Variants in SCARF1 observed in about 807,000 individuals in gnomAD.
SCARF1 encodes acetyl LDL receptor.
SCARF1 carries 49 observed loss-of-function variants against 76.3 expected under a neutral mutation model. The ratio of observed to expected loss-of-function variants is 0.64; its 90% CI spans 0.51 to 0.81. The LOEUF (loss-of-function observed/expected upper bound fraction) is 0.81, where lower values mean the gene tolerates loss of function less well. Among genes scored for constraint, SCARF1 ranks in the 40% least tolerant of loss-of-function variants. The pLI is 0.00. For synonymous variants in SCARF1, 495 were observed against 474.6 expected, an observed-to-expected ratio of 1.04 and a Z score of -0.56; for missense variants, 1,098 against 1,143.9, an observed-to-expected ratio of 0.96 and a Z score of 0.58.
rs377147891 is a variant in SCARF1 at position 1,640,048 on chromosome 17, G to A, written c.1011-8C>T. 40 of 1,612,916 alleles carry A rather than the reference G, an allele frequency of 2.5e-5. No homozygotes were observed. The African/African-American group carries it at 4.7e-4, about 19-fold the overall frequency. On this transcript the variant is annotated splice_region_variant and splice_polypyrimidine_tract_variant and intron_variant, in intron 5 of 10. Transcript: ENST00000263071. This position sits in a 1 kb window ranked among gnomAD's most constrained non-coding sequence, Gnocchi z 4.7. ...GGGCAGGGGTCTTCACACCTGGGGTGAGGCAAGACTCGGGGAAGGGGAGAC... is the reference window on the plus strand; with the variant it reads ...GGGCAGGGGTCTTCACACCTGGGGTAAGGCAAGACTCGGGGAAGGGGAGAC...
At chr17:1,643,415 C>T (rs932705440) in intron 4 of SCARF1, 27 bp downstream of exon 4, 1 of 1,187,898 alleles carries the variant, frequency 8.4e-7, no homozygotes, top group East Asian at 3.5e-5. Flanking sequence ...CCCCGCCAGC[C>T]CACCTGTCCC....
rs749178878 is a variant in SCARF1, at chr17:1,635,069, T to C, written c.2182A>G (p.Ile728Val). 3 of 1,613,872 alleles carry C rather than the reference T, an allele frequency of 1.9e-6. No individual in the cohort carries two copies. The highest frequency in any genetic ancestry group is 1.7e-5 in the Admixed American group (1 of 60,014). The change falls in exon 11 of 11, where the codon ATC (isoleucine) becomes GTC (valine). Residue 728 changes from isoleucine (I) to valine (V), a missense_variant. Coordinates refer to ENST00000263071, the MANE Select transcript of SCARF1 (RefSeq NM_003693.4). ...GQAEAKVKRA[I>V]PKPPRQALNR... Reference sequence around the variant, plus strand: ...AGGGCCTGGCGCGGAGGCTTAGGGATGGCCCTCTTGACCTTGGCTTCCGCC... The same window carrying C: ...AGGGCCTGGCGCGGAGGCTTAGGGACGGCCCTCTTGACCTTGGCTTCCGCC...
chr17:1,635,375 C>A lies in SCARF1; in HGVS notation c.1876G>T (p.Gly626Cys). Residue 626 changes from glycine (G) to cysteine (C), a missense_variant, in exon 11 of 11, where the codon GGT (glycine) becomes TGT (cysteine). Physicochemically the swap from Gly to Cys is radical, Grantham distance 159. Coordinates refer to ENST00000263071, the MANE Select transcript of SCARF1 (RefSeq NM_003693.4). ...TCTTCGGCTTCCCGGCCCTCAGGAC[C>A]CGACTGCGCCCCCCGGGAGAGCCTC... Reference protein sequence around the residue: ...PKRLSRGAQSGPEGREAEEST... With the variant: ...PKRLSRGAQSCPEGREAEEST... The A allele has an allele frequency of 1.2e-6, 2 of 1,613,208 alleles. No homozygotes were observed. The highest frequency in any genetic ancestry group is 1.7e-6 in the Non-Finnish European group (2 of 1,179,490).
At chr17:1,641,923 T>C (rs917814888) in intron 4 of SCARF1, among the ~76,000 whole-genome samples, 5 of 152,128 alleles carry the variant, frequency 3.3e-5, no homozygotes, top group Non-Finnish European at 5.9e-5. Context: ...GGTTTCACCA[T>C]GTTAGCCAGG....
In SCARF1 at chr17:1,644,786, C is replaced by A; in HGVS notation, c.265+48G>T. 1 of 1,560,062 alleles carries A rather than the reference C, an allele frequency of 6.4e-7. No individual in the cohort carries two copies. The highest frequency in any genetic ancestry group is 1.8e-5 in the Admixed American group (1 of 54,084). ...CCTCGCCTGCTCCCACACCACTGCC[C>A]CCGTACCCAGCTCTGCCCAGCAACT... On this transcript the variant is annotated intron_variant, in intron 3 of 10. Transcript: ENST00000263071. The surrounding 1 kb of genome is among the most constrained non-coding windows in gnomAD (Gnocchi z 4.8).
Position 1,635,363 on chromosome 17 carries a change from G to A in SCARF1, c.1888C>T (p.Arg630Trp), listed in dbSNP as rs1357585594. ...SRGAQSGPEG[R>W]EAEESTGPEE... ...GGGCCTGTGGACTCTTCGGCTTCCC[G>A]GCCCTCAGGACCCGACTGCGCCCCC... The change falls in exon 11 of 11, where the codon CGG becomes TGG. Residue 630 changes from arginine to tryptophan, a missense_variant. Coordinates refer to ENST00000263071, the MANE Select transcript of SCARF1 (RefSeq NM_003693.4). 4 of 1,613,164 alleles carry A rather than the reference G, an allele frequency of 2.5e-6. No individual in the cohort carries two copies. In the Admixed American group the frequency reaches 5.0e-5, roughly 20 times the overall value.
intron 4 of SCARF1, among the ~76,000 whole-genome samples, chr17:1,641,262 T>C (rs1387765386): frequency 6.6e-6 from 1 of 152,154 alleles, no homozygotes; most frequent in African/African-American, 2.4e-5. Flanking sequence ...CAGATTCTCA[T>C]AGGAGCGCCA....
At position 1,645,116 on chromosome 17, in the gene SCARF1, A is replaced by C; in HGVS notation, c.163+62T>G. 1.7e-5 allele frequency: 28 copies of C among 1,604,992 alleles called. No homozygotes were observed. Among genetic ancestry groups the C allele is most frequent in the Non-Finnish European group, 2.4e-5 (28 of 1,172,988 alleles). The stretch of plus-strand genomic sequence containing the variant: ...GGCAGGCCCCATGGGGTAGGAAGGA[A>C]GGGTTGTCACTGGGCTACGGCCTCC... On this transcript the variant is annotated intron_variant, in intron 2 of 10. Transcript: ENST00000263071. This position sits in a 1 kb window ranked among gnomAD's most constrained non-coding sequence, Gnocchi z 6.3.
chr17:1,638,992 G>A, intron 7 of SCARF1, 66 bp from the exon 8 acceptor site: 1 of 1,461,780 alleles, frequency 6.8e-7, no homozygotes, highest in Non-Finnish European at 9.2e-7. Context: ...TCTTTGCTCT[G>A]AGTTGCCTGC....
At chr17:1,639,026 G>A (rs1212836768) in intron 7 of SCARF1, 100 bp from the exon 8 acceptor site, 3 of 1,272,610 alleles carry the variant, frequency 2.4e-6, no homozygotes, top group Non-Finnish European at 3.2e-6. Flanking sequence ...CTTCCTGGGG[G>A]TCACTCCCTG....
intron 7 of SCARF1, among the ~76,000 whole-genome samples, chr17:1,639,377 C>T (rs1377515996): frequency 1.3e-5 from 2 of 152,098 alleles, no homozygotes; most frequent in Admixed American, 1.3e-4. Flanking sequence ...TGGAGGCGTG[C>T]GCCTGTAATC....
At chr17:1,639,859 A>C in intron 6 of SCARF1, 53 bp downstream of exon 6, 1 of 1,610,294 alleles carries the variant, frequency 6.2e-7, no homozygotes, top group Non-Finnish European at 8.5e-7. Flanking sequence ...TGCTGCACAG[A>C]GCCCTGACCT....
At position 1,640,532 on chromosome 17, in the gene SCARF1, T is replaced by C. The variant is rs746087910; in HGVS notation, c.926A>G (p.Gln309Arg). Reference sequence around the variant, plus strand: ...CTCCCCATGTCGGCAGTGAGGGCACTGCTGTTCGCAGCTCTCGCCAAAGGT... The same window carrying C: ...CTCCCCATGTCGGCAGTGAGGGCACCGCTGTTCGCAGCTCTCGCCAAAGGT... ...PGTFGESCEQQCPHCRHGEAC... is the reference protein window; with the variant it reads ...PGTFGESCEQRCPHCRHGEAC... The change falls in exon 5 of 11, where the codon CAG becomes CGG. Residue 309 changes from glutamine (Q) to arginine (R), a missense_variant. Transcript: ENST00000263071. The surrounding 1 kb of genome is among the most constrained non-coding windows in gnomAD (Gnocchi z 4.7). The C allele has an allele frequency of 9.4e-6, 15 of 1,600,846 alleles. No homozygotes were observed. In the South Asian group the frequency reaches 1.7e-4, roughly 18 times the overall value.
chr17:1,640,413 G>A lies in SCARF1; in HGVS notation c.1010+35C>T. On this transcript the variant is annotated intron_variant, in intron 5 of 10. Coordinates refer to ENST00000263071, the MANE Select transcript of SCARF1 (RefSeq NM_003693.4). The surrounding 1 kb of genome is among the most constrained non-coding windows in gnomAD (Gnocchi z 4.7). ...CGCTGAGCTGAGGGTCCTGGGGGAA[G>A]GTGTACCCCACCCTGAACAGAATGG... 1 of 1,519,730 alleles carries A rather than the reference G, an allele frequency of 6.6e-7. No individual in the cohort carries two copies. Among genetic ancestry groups the A allele is most frequent in the Non-Finnish European group, 8.9e-7 (1 of 1,122,058 alleles). The allele number at this position is 1,519,730 out of a possible 1,614,324, so 94.1% of individuals were successfully genotyped here. A position where few individuals can be genotyped will look rare whatever the true frequency, so the allele number is the denominator to read the frequency against.
At position 1,644,696 on chromosome 17, in the gene SCARF1, C is replaced by A; in HGVS notation, c.265+138G>T. On this transcript the variant is annotated intron_variant, in intron 3 of 10. Transcript: ENST00000263071. The surrounding 1 kb of genome is among the most constrained non-coding windows in gnomAD (Gnocchi z 4.8). ...TGTGTGTCACTTCCTGTCTCTGGAC[C>A]GCAATTCCTCAGTGAAGCTGGGGGG... The A allele has an allele frequency of 3.7e-6, 3 of 803,278 alleles. No homozygotes were observed. The highest frequency in any genetic ancestry group is 4.0e-6 in the Non-Finnish European group (2 of 499,588). The allele number at this position is 803,278 out of a possible 1,614,324, so 49.8% of individuals were successfully genotyped here. A position where few individuals can be genotyped will look rare whatever the true frequency, so the allele number is the denominator to read the frequency against.
rs1229623514 is a variant in SCARF1, at chr17:1,640,296, A to ACCCACTGCTCTCCCCCAGTC, written c.1010+132_1010+151dup. 1.6e-5 allele frequency: 13 copies of ACCCACTGCTCTCCCCCAGTC among 820,078 alleles called. No individual in the cohort carries two copies. Among genetic ancestry groups the ACCCACTGCTCTCCCCCAGTC allele is most frequent in the Middle Eastern group, 3.6e-4 (1 of 2,746 alleles). The allele number at this position is 820,078 out of a possible 1,614,324, so 50.8% of individuals were successfully genotyped here. A position where few individuals can be genotyped will look rare whatever the true frequency, so the allele number is the denominator to read the frequency against. On this transcript the variant is annotated intron_variant, in intron 5 of 10. Coordinates refer to ENST00000263071, the MANE Select transcript of SCARF1 (RefSeq NM_003693.4). The surrounding 1 kb of genome is among the most constrained non-coding windows in gnomAD (Gnocchi z 4.7). ...GGGATCCTGCCCAGGCCCCCCCAGA[A>ACCCACTGCTCTCCCCCAGTC]CCCACTGCTCTCCCCCAGTCTTCAA...
At chr17:1,639,064 T>G in intron 7 of SCARF1, 138 bp from the exon 8 acceptor site, 1 of 867,060 alleles carries the variant, frequency 1.2e-6, no homozygotes, top group Non-Finnish European at 1.7e-6. Context: ...TGCTGGCGTG[T>G]CCCCTCCACA....
In SCARF1 at chr17:1,645,088, A is replaced by T; in HGVS notation, c.163+90T>A. Reference sequence around the variant, plus strand: ...AGAAACCCTGACTCCTGGTATCAGGAGGGGCAGGCCCCATGGGGTAGGAAG... The same window carrying T: ...AGAAACCCTGACTCCTGGTATCAGGTGGGGCAGGCCCCATGGGGTAGGAAG... On this transcript the variant is annotated intron_variant, in intron 2 of 10. Transcript: ENST00000263071. This position sits in a 1 kb window ranked among gnomAD's most constrained non-coding sequence, Gnocchi z 6.3. 1 of 1,567,586 alleles carries T rather than the reference A, an allele frequency of 6.4e-7. No individual in the cohort carries two copies. The highest frequency in any genetic ancestry group is 1.7e-5 in the Admixed American group (1 of 57,668).
Position 1,634,785 on chromosome 17 carries a change from T to G in SCARF1, c.2466A>C (p.Val822=), listed in dbSNP as rs760219426. The G allele has an allele frequency of 1.5e-5, 24 of 1,607,042 alleles. 1 individual carries two copies. The Middle Eastern group carries it at 3.3e-3, about 223-fold the overall frequency. Reference sequence around the variant, plus strand: ...AGGGTTCTGGTGGCCTGGAGATGGGTACAACATTCTCATACTCAGGTTCCT... The same window carrying G: ...AGGGTTCTGGTGGCCTGGAGATGGGGACAACATTCTCATACTCAGGTTCCT... ...RQEEPEYENV[V]PISRPPEP Residue 822 remains valine, a synonymous_variant, in exon 11 of 11, where the codon GTA becomes GTC. Coordinates refer to ENST00000263071, the MANE Select transcript of SCARF1 (RefSeq NM_003693.4).
Sources: allele counts gnomAD v4.1 joint callset (sites outside exome capture counted in the v4.1 genomes callset), GRCh38; gene constraint gnomAD v4.1.1; non-coding constraint Gnocchi (gnomAD v3.1); transcripts MANE v1.5; gene names NCBI Gene and HGNC (gene_info 2026-07-23, HGNC 2026-07-21).